The following PTPN14 variants were observed in gnomAD, a reference collection of about 807,000 sequenced individuals.
The protein encoded by PTPN14 is protein tyrosine phosphatase non-receptor type 14, also known as tyrosine-protein phosphatase non-receptor type 14.
Under a neutral mutation model 126.8 loss-of-function variants are expected in PTPN14, and 53 were observed. The ratio of observed to expected loss-of-function variants is 0.42; its 90% CI spans 0.34 to 0.53. The LOEUF is 0.53. Ranked by LOEUF, PTPN14 falls within the 20% of genes least tolerant of loss-of-function variation. PTPN14 has a pLI of 0.08. For missense variants in PTPN14, 1,257 were observed against 1,552.9 expected, an observed-to-expected ratio of 0.81 and a Z score of 3.20; for synonymous variants, 630 against 599.3, an observed-to-expected ratio of 1.05 and a Z score of -0.75.
At position 214,484,238 on chromosome 1, in the gene PTPN14, T is replaced by C. The variant is rs531857612; in HGVS notation, c.-154-19281A>G. Among the ~76,000 whole-genome samples, 4 of 152,220 alleles carry C rather than the reference T, an allele frequency of 2.6e-5. 1 individual carries two copies. The highest frequency in any genetic ancestry group is 7.2e-5 in the African/African-American group (3 of 41,538). On this transcript the variant is annotated intron_variant, in intron 1 of 18. Transcript: ENST00000366956. ...GATCAACACAGTATCACCTAGTCTC[T>C]ATAAAAAATTAAAAAATTAGCCAGG... is the stretch of plus-strand genomic sequence containing the variant.
intron 1 of PTPN14, among the ~76,000 whole-genome samples, chr1:214,506,170 C>A (rs1447082530): frequency 1.3e-5 from 2 of 152,112 alleles, no homozygotes; most frequent in African/African-American, 4.8e-5. Flanking sequence ...AAAAACTTCT[C>A]AGAACTGGGA....
rs76892196 is a variant in PTPN14, at chr1:214,460,839, T to C, written c.174+3791A>G. ...CCAGAGCATGACTGTTTGCTGACAA[T>C]AGGAACCAGGCCTGGATCCTTCTGA... On this transcript the variant is annotated intron_variant, in intron 2 of 18. Coordinates refer to ENST00000366956, the MANE Select transcript of PTPN14 (RefSeq NM_005401.5). Among the ~76,000 whole-genome samples the C allele has an allele frequency of 0.02, 3,005 of 152,264 alleles. 227 individuals are homozygous for C. In the East Asian group the frequency reaches 0.24, roughly 12 times the overall value.
At chr1:214,438,193 C>T (rs1320624310) in intron 3 of PTPN14, among the ~76,000 whole-genome samples, 1 of 152,178 alleles carries the variant, frequency 6.6e-6, no homozygotes, top group African/African-American at 2.4e-5. Flanking sequence ...TCAGCCTGGC[C>T]CGTCCTGTGG....
chr1:214,395,025 T>A, intron 8 of PTPN14, 39 bp from the exon 9 acceptor site: 1 of 1,540,230 alleles, frequency 6.5e-7, no homozygotes, highest in Non-Finnish European at 9.0e-7. Flanking sequence ...CTCAACAATG[T>A]TCCAGGCATT....
At chr1:214,547,861 A>G (rs1357154385) in intron 1 of PTPN14, among the ~76,000 whole-genome samples, 1 of 151,878 alleles carries the variant, frequency 6.6e-6, no homozygotes, top group African/African-American at 2.4e-5. Context: ...TTGTAGGAGG[A>G]GCCACATGGC....
intron 18 of PTPN14, among the ~76,000 whole-genome samples, chr1:214,363,555 C>T (rs1028443332): frequency 1.3e-5 from 2 of 152,166 alleles, no homozygotes; most frequent in Admixed American, 6.5e-5. Flanking sequence ...AAATCTTACT[C>T]AGCGTTTGGA....
At chr1:214,389,779 T>C (rs1197197923) in intron 11 of PTPN14, among the ~76,000 whole-genome samples, 1 of 152,142 alleles carries the variant, frequency 6.6e-6, no homozygotes, top group Non-Finnish European at 1.5e-5. Flanking sequence ...AAGACATCTA[T>C]ACTCTAAAGA....
At chr1:214,446,765 T>C (rs924841211) in intron 3 of PTPN14, among the ~76,000 whole-genome samples, 1 of 151,854 alleles carries the variant, frequency 6.6e-6, no homozygotes, top group Non-Finnish European at 1.5e-5. Flanking sequence ...AACCAGAGTA[T>C]TAATCTAGAC....
intron 1 of PTPN14, chr1:214,532,387 G>C (rs1190855921): frequency 1.5e-6 from 1 of 645,204 alleles, no homozygotes; most frequent in African/African-American, 1.8e-5. Flanking sequence ...GGGATGGCTG[G>C]GGGCCTGGCA....
Position 214,397,917 on chromosome 1 carries a change from A to G in PTPN14, c.754T>C (p.Tyr252His). Residue 252 changes from tyrosine (Y) to histidine (H), a missense_variant, in exon 8 of 19, where the codon TAC becomes CAC. Physicochemically the swap from Tyr to His is moderately conservative, Grantham distance 83 (BLOSUM62 2). Transcript: ENST00000366956. ...RNRIGRQAVI[Y>H]RWNDMGNITH... ...AAAACAAACAAATAAGACTACCTGTATATTACCGCTTGTCTTCCAATTCTG... is the reference window on the plus strand; with the variant it reads ...AAAACAAACAAATAAGACTACCTGTGTATTACCGCTTGTCTTCCAATTCTG... 6.3e-7 allele frequency: 1 copy of G among 1,598,108 alleles called. No individual in the cohort carries two copies. Among genetic ancestry groups the G allele is most frequent in the Non-Finnish European group, 8.6e-7 (1 of 1,165,330 alleles).
Position 214,393,784 on chromosome 1 carries a change from A to C in PTPN14, c.847-7T>G. The C allele has an allele frequency of 6.4e-7, 1 of 1,567,302 alleles. No individual in the cohort carries two copies. Among genetic ancestry groups the C allele is most frequent in the Non-Finnish European group, 8.8e-7 (1 of 1,137,770 alleles). ...TGGCATTTTCGATATCATCCTTGGA[A>C]AAGAAGAGACAGAGAAAAAAATAAA... is the stretch of plus-strand genomic sequence containing the variant. On this transcript the variant is annotated splice_region_variant and splice_polypyrimidine_tract_variant and intron_variant, in intron 9 of 18. Transcript: ENST00000366956.
At chr1:214,400,974 T>A (rs17022806) in intron 7 of PTPN14, among the ~76,000 whole-genome samples, 11,727 of 152,204 alleles carry the variant, frequency 0.077, 529 homozygotes, top group South Asian at 0.23. Context: ...TGCAGGCATC[T>A]CCCAAATTGC....
chr1:214,471,563 GT>G (rs78215080), intron 1 of PTPN14, among the ~76,000 whole-genome samples: 13,781 of 152,232 alleles, frequency 0.091, 638 homozygotes, highest in South Asian at 0.12. Context: ...TGGCCAAGCA[GT>G]TGTGCAAAGA....
intron 1 of PTPN14, among the ~76,000 whole-genome samples, chr1:214,494,967 G>A (rs1338239382): frequency 6.6e-6 from 1 of 152,212 alleles, no homozygotes; most frequent in Non-Finnish European, 1.5e-5. Flanking sequence ...TCTTAGAGAT[G>A]ACTGCACAAT....
At chr1:214,493,031 T>C (rs1459655320) in intron 1 of PTPN14, among the ~76,000 whole-genome samples, 1 of 151,960 alleles carries the variant, frequency 6.6e-6, no homozygotes, top group Non-Finnish European at 1.5e-5. Flanking sequence ...CAACAGGCAG[T>C]GGTGGTGACT....
At chr1:214,487,687 G>A (rs1012253291) in intron 1 of PTPN14, among the ~76,000 whole-genome samples, 1 of 151,702 alleles carries the variant, frequency 6.6e-6, no homozygotes, top group African/African-American at 2.4e-5. Context: ...GGGCAAAAAA[G>A]CTCCATCAAT....
chr1:214,485,246 C>G (rs1661085647), intron 1 of PTPN14, among the ~76,000 whole-genome samples: 2 of 152,106 alleles, frequency 1.3e-5, no homozygotes, highest in African/African-American at 4.8e-5. Context: ...TATTTTTATT[C>G]TGAGCACTTA....
chr1:214,491,711 T>C (rs575543908), intron 1 of PTPN14, among the ~76,000 whole-genome samples: 135 of 152,148 alleles, frequency 8.9e-4, no homozygotes, highest in Non-Finnish European at 1.2e-3. Context: ...GATGGCCCTC[T>C]AGGCTTACAA....
rs1019761703 is a variant in PTPN14 at position 214,381,936 on chromosome 1, G to A, written c.2544+1375C>T. On this transcript the variant is annotated intron_variant, in intron 13 of 18. Coordinates refer to ENST00000366956, the MANE Select transcript of PTPN14 (RefSeq NM_005401.5). ...TTTTGTTTTTCTGAGACGGGGTCTT[G>A]CTCTGTCATCCAGGCTGGAGTGCAG... Among the ~76,000 whole-genome samples the A allele has an allele frequency of 3.9e-5, 6 of 152,216 alleles. No individual in the cohort carries two copies. The East Asian group carries it at 9.6e-4, about 24-fold the overall frequency.
Sources: allele counts gnomAD v4.1 joint callset (sites outside exome capture counted in the v4.1 genomes callset), GRCh38; gene constraint gnomAD v4.1.1; transcripts MANE v1.5; gene names NCBI Gene and HGNC (gene_info 2026-07-23, HGNC 2026-07-21).